SCAF11: variants seen among roughly 807,000 people sequenced by gnomAD.
SCAF11 encodes the protein protein SCAF11.
A neutral mutation model predicts 140.5 loss-of-function variants in SCAF11; 47 were observed. The observed-to-expected ratio is 0.33, with a 90% CI of 0.26 to 0.43. SCAF11 has a LOEUF of 0.43. Among genes scored for constraint, SCAF11 ranks in the 20% least tolerant of loss-of-function variants. The pLI, the probability that SCAF11 is intolerant of heterozygous loss-of-function variation, is 1.00. For missense variants in SCAF11, 1,645 were observed against 1,705.1 expected (o/e 0.96, Z 0.62); for synonymous variants, 557 against 579.4 (o/e 0.96, Z 0.55).
chr12:45,958,014 C>G (rs144074897), intron 3 of SCAF11, among the ~76,000 whole-genome samples: 2,246 of 152,150 alleles, frequency 0.015, 198 homozygotes, highest in Admixed American at 0.13. Flanking sequence ...AACCTCCCCC[C>G]ATCAGCTTCC....
intron 1 of SCAF11, among the ~76,000 whole-genome samples, chr12:45,972,951 G>GAT (rs1364511379): frequency 1.8e-5 from 2 of 111,394 alleles, no homozygotes; most frequent in Non-Finnish European, 3.2e-5. Context: ...TATATATATA[G>GAT]ATATATAGAT....
intron 6 of SCAF11, among the ~76,000 whole-genome samples, chr12:45,935,583 C>T (rs1945153853): frequency 6.6e-6 from 1 of 152,204 alleles, no homozygotes. Flanking sequence ...TACATAGTGT[C>T]TTTTATGCCC....
intron 10 of SCAF11, 25 bp from the exon 11 acceptor site, chr12:45,928,884 A>AG: frequency 7.4e-7 from 1 of 1,344,814 alleles, no homozygotes; most frequent in Non-Finnish European, 9.8e-7. Context: ...AAAAAAAAAA[A>AG]AAGTAAAAAA....
chr12:45,964,878 T>C (rs1021763201), intron 1 of SCAF11, among the ~76,000 whole-genome samples: 1 of 152,102 alleles, frequency 6.6e-6, no homozygotes, highest in African/African-American at 2.4e-5. Flanking sequence ...CAATAACATT[T>C]AGCTAGGCCA....
Position 45,920,715 on chromosome 12 carries a change from C to A in SCAF11, c.*1333G>T, listed in dbSNP as rs1944685707. ...ACAGGTTTTACTGTCTAGAATTTTG[C>A]AACATGGCTAATGGCTACCACCTGG... is the stretch of plus-strand genomic sequence containing the variant. On this transcript the variant is annotated 3_prime_UTR_variant, in exon 15 of 15. Coordinates refer to ENST00000369367, the MANE Select transcript of SCAF11 (RefSeq NM_004719.3). 2 of 152,528 alleles carry A rather than the reference C, an allele frequency of 1.3e-5. No individual in the cohort carries two copies. Among genetic ancestry groups the A allele is most frequent in the African/African-American group, 2.4e-5 (1 of 41,416 alleles). The allele number at this position is 152,528 out of a possible 1,614,324, so 9.4% of individuals were successfully genotyped here. A position where few individuals can be genotyped will look rare whatever the true frequency, so the allele number is the denominator to read the frequency against.
At chr12:45,972,893 GAT>G (rs377736896) in intron 1 of SCAF11, among the ~76,000 whole-genome samples, 1,822 of 63,772 alleles carry the variant, frequency 0.029, 98 homozygotes, top group East Asian at 0.069. Flanking sequence ...TATATATATA[GAT>G]ATATATATAT....
At chr12:45,970,882 G>A (rs997219387) in intron 1 of SCAF11, among the ~76,000 whole-genome samples, 1 of 152,220 alleles carries the variant, frequency 6.6e-6, no homozygotes, top group African/African-American at 2.4e-5. Context: ...AAATTCTCGT[G>A]CAGTGTGGAA....
At chr12:45,979,450 C>T (rs564260934) in intron 1 of SCAF11, among the ~76,000 whole-genome samples, 31 of 152,174 alleles carry the variant, frequency 2.0e-4, no homozygotes, top group African/African-American at 6.5e-4. Flanking sequence ...AATTCTACCC[C>T]GTTCTGTTTA....
rs1592203112 is a variant in SCAF11, at chr12:45,958,841, A to C, written c.219+2859T>G. 3.3e-5 allele frequency among the ~76,000 whole-genome samples: 5 copies of C among 152,334 alleles called. No individual in the cohort carries two copies. The East Asian group carries it at 9.6e-4, about 29-fold the overall frequency. On this transcript the variant is annotated intron_variant, in intron 3 of 14. Transcript: ENST00000369367. ...ATAGCTTTTGTTTAAATAACCACAGAACCAAAATTTTAGAGCTTGAAAAGA... is the reference window on the plus strand; with the variant it reads ...ATAGCTTTTGTTTAAATAACCACAGCACCAAAATTTTAGAGCTTGAAAAGA...
intron 6 of SCAF11, among the ~76,000 whole-genome samples, chr12:45,944,045 T>C (rs929759005): frequency 2.0e-5 from 3 of 152,132 alleles, no homozygotes; most frequent in Non-Finnish European, 4.4e-5. Context: ...AGATAAACAC[T>C]TTAAGAAAAT....
intron 1 of SCAF11, among the ~76,000 whole-genome samples, chr12:45,984,821 T>A (rs1411441899): frequency 6.6e-6 from 1 of 151,984 alleles, no homozygotes; most frequent in African/African-American, 2.4e-5. Flanking sequence ...CAGCCTCCCA[T>A]GTAGCTGGGA....
At chr12:45,978,377 A>T (rs144133922) in intron 1 of SCAF11, among the ~76,000 whole-genome samples, 413 of 152,286 alleles carry the variant, frequency 2.7e-3, no homozygotes, top group African/African-American at 8.9e-3. Flanking sequence ...AAGCTCTCTT[A>T]TATTTATTTC....
Position 45,920,605 on chromosome 12 carries a change from GA to G in SCAF11, c.*1442del, listed in dbSNP as rs1282129480. 1.4e-5 allele frequency: 2 copies of G among 146,436 alleles called. No individual in the cohort carries two copies. The highest frequency in any genetic ancestry group is 6.8e-5 in the Admixed American group (1 of 14,774). 9.1% of individuals were successfully genotyped at this position (146,436 alleles called of 1,614,324 possible). The stretch of plus-strand genomic sequence containing the variant: ...AACTGAGATATTCTAGTATTAAAAA[GA>G]GAAAAAAAAAAAAACCCAAATCCCT... On this transcript the variant is annotated 3_prime_UTR_variant, in exon 15 of 15. Transcript: ENST00000369367.
intron 10 of SCAF11, 73 bp from the exon 11 acceptor site, chr12:45,928,932 T>G (rs1944972668): frequency 1.0e-6 from 1 of 960,858 alleles, no homozygotes; most frequent in East Asian, 2.9e-5. Flanking sequence ...TTAGCTAATT[T>G]TAGCATAAAA....
intron 1 of SCAF11, among the ~76,000 whole-genome samples, chr12:45,983,786 A>ACACACACAC (rs1555172663): frequency 6.3e-5 from 3 of 47,358 alleles, no homozygotes; most frequent in Non-Finnish European, 1.3e-4. Context: ...CACACACACA[A>ACACACACAC]AGACTGAACT....
rs762180647 is a variant in SCAF11, at chr12:45,928,676, T to C, written c.1025A>G (p.Asp342Gly). The C allele has an allele frequency of 6.2e-7, 1 of 1,614,106 alleles. No individual in the cohort carries two copies. The highest frequency in any genetic ancestry group is 1.1e-5 in the South Asian group (1 of 91,088). The change falls in exon 11 of 15, where the codon GAC becomes GGC. Residue 342 changes from aspartate to glycine, a missense_variant. Physicochemically the swap from Asp to Gly is moderately conservative, Grantham distance 94. This residue lies in a region of SCAF11 where 1,582 missense variants were observed against 1,609.2 expected (regional missense o/e 0.98). Coordinates refer to ENST00000369367, the MANE Select transcript of SCAF11 (RefSeq NM_004719.3). ...ASQSQRSPISDNSGCDAPGNS... is the reference protein window; with the variant it reads ...ASQSQRSPISGNSGCDAPGNS... ...ACCTGGGGCATCACACCCAGAATTG[T>C]CTGATATTGGGGATCTCTGAGACTG...
chr12:45,943,594 TAGTTTCAGGC>T (rs535462003), intron 6 of SCAF11, among the ~76,000 whole-genome samples: 410 of 152,288 alleles, frequency 2.7e-3, no homozygotes, highest in African/African-American at 9.5e-3. Context: ...GTACTATCTG[TAGTTTCAGGC>T]ATCTACTTGG....
intron 3 of SCAF11, chr12:45,960,679 A>G (rs1945805005): frequency 6.6e-6 from 1 of 152,124 alleles, no homozygotes; most frequent in African/African-American, 2.4e-5. Context: ...TTATTAATTC[A>G]ATTTGTATAA....
chr12:45,973,668 G>GC (rs1375609268), intron 1 of SCAF11, among the ~76,000 whole-genome samples: 1 of 152,106 alleles, frequency 6.6e-6, no homozygotes, highest in African/African-American at 2.4e-5. Flanking sequence ...CAGAAACCAT[G>GC]CAAGTCAGAA....
Sources: gnomAD v4.1 joint callset for allele counts (sites outside exome capture counted in the v4.1 genomes callset) on GRCh38, gnomAD v4.1.1 for gene constraint, gnomAD v4.1.1 regional missense constraint, MANE v1.5 for transcripts, NCBI Gene and HGNC (gene_info 2026-07-23, HGNC 2026-07-21) for gene names.